Variants in DPP10 observed in about 807,000 individuals in gnomAD.
DPP10 encodes the protein dipeptidyl peptidase like 10, also known as inactive dipeptidyl peptidase 10.
DPP10 carries 33 observed loss-of-function variants against 120.9 expected under a neutral mutation model. The observed-to-expected ratio is 0.27, with a 90% CI of 0.21 to 0.37. The LOEUF (loss-of-function observed/expected upper bound fraction) is 0.37. Among genes scored for constraint, DPP10 ranks in the 10% least tolerant of loss-of-function variants. The pLI is 1.00. For synonymous variants in DPP10, 337 were observed against 326.1 expected (o/e 1.03, Z -0.36); for missense variants, 816 against 942.8 (o/e 0.87, Z 1.76).
At chr2:114,548,728 G>T (rs1687625964) in intron 1 of DPP10, among the ~76,000 whole-genome samples, 1 of 152,134 alleles carries the variant, frequency 6.6e-6, no homozygotes, top group Non-Finnish European at 1.5e-5. Flanking sequence ...GGGACCTGTG[G>T]GGCAGTAACC....
At chr2:115,663,784 C>T (rs539739225) in intron 5 of DPP10, among the ~76,000 whole-genome samples, 42 of 152,122 alleles carry the variant, frequency 2.8e-4, no homozygotes, top group Middle Eastern at 3.4e-3. Context: ...ATCACGAGGT[C>T]GGGAGGTCCA....
At chr2:115,352,924 G>A (rs2064130966) in intron 3 of DPP10, among the ~76,000 whole-genome samples, 1 of 151,748 alleles carries the variant, frequency 6.6e-6, no homozygotes, top group African/African-American at 2.4e-5. Context: ...TGCTGTGTAC[G>A]CCCTGCCTCT....
At chr2:114,515,689 G>A (rs542728035) in intron 1 of DPP10, among the ~76,000 whole-genome samples, 32 of 152,182 alleles carry the variant, frequency 2.1e-4, no homozygotes, top group African/African-American at 7.2e-4. Flanking sequence ...AATTTCTAGG[G>A]TATTAAAAAT....
chr2:115,272,687 C>G (rs1416964329), intron 1 of DPP10, among the ~76,000 whole-genome samples: 1 of 152,174 alleles, frequency 6.6e-6, no homozygotes, highest in Non-Finnish European at 1.5e-5. Flanking sequence ...ATTTATGCAC[C>G]ATTGTAGTTG....
intron 1 of DPP10, among the ~76,000 whole-genome samples, chr2:115,067,976 A>G (rs1707060250): frequency 1.3e-5 from 2 of 151,266 alleles, no homozygotes; most frequent in African/African-American, 2.4e-5. Flanking sequence ...TCATCTGTCT[A>G]TGAAAACAGT....
At chr2:115,718,642 T>C (rs1451165161) in intron 7 of DPP10, among the ~76,000 whole-genome samples, 1 of 152,222 alleles carries the variant, frequency 6.6e-6, no homozygotes, top group African/African-American at 2.4e-5. Context: ...TTATTTTTCC[T>C]TATTCTCCAT....
chr2:115,540,725 T>C (rs1053683329), intron 5 of DPP10, among the ~76,000 whole-genome samples: 3 of 151,850 alleles, frequency 2.0e-5, no homozygotes, highest in African/African-American at 7.2e-5. Flanking sequence ...GATAAAAAAA[T>C]TCTGTCCATA....
rs1367142303 is a variant in DPP10, at chr2:115,020,952, T to TA, written c.61-288280dup. 1.5e-4 allele frequency among the ~76,000 whole-genome samples: 23 copies of TA among 152,056 alleles called. 1 individual carries two copies. The East Asian group carries it at 3.3e-3, about 22-fold the overall frequency. ...CCACAATAAAATCCAGATGAAAATT[T>TA]AAAAAAATTTGAACTGAATGATAAT... On this transcript the variant is annotated intron_variant, in intron 1 of 25. Coordinates refer to ENST00000410059, the MANE Select transcript of DPP10 (RefSeq NM_020868.6).
At chr2:114,493,666 A>C (rs1035730973) in intron 1 of DPP10, among the ~76,000 whole-genome samples, 2 of 152,160 alleles carry the variant, frequency 1.3e-5, no homozygotes, top group Non-Finnish European at 2.9e-5. Flanking sequence ...AAAAAACTGA[A>C]CATGGGAAAT....
intron 5 of DPP10, among the ~76,000 whole-genome samples, chr2:115,676,333 A>C (rs1225493151): frequency 6.6e-6 from 1 of 152,184 alleles, no homozygotes. Context: ...CCAAAGCCAA[A>C]GTATTTTATC....
chr2:114,482,309 T>C (rs774653540), intron 1 of DPP10, among the ~76,000 whole-genome samples: 12 of 152,184 alleles, frequency 7.9e-5, no homozygotes, highest in Non-Finnish European at 1.5e-4. Context: ...AGAAGCCTTT[T>C]ATTATATGGA....
Position 114,532,290 on chromosome 2 carries a change from T to TAC in DPP10, c.60+89453_60+89454insCA, listed in dbSNP as rs1317517230. Among the ~76,000 whole-genome samples the TAC allele has an allele frequency of 3.8e-3, 213 of 56,622 alleles. 3 individuals carry two copies. The highest frequency in any genetic ancestry group is 7.0e-3 in the Middle Eastern group (1 of 142). The allele number at this position is 56,622 out of a possible 152,430, so 37.1% of individuals were successfully genotyped here. ...ATATATATATATATATATATATATATATATATACACACACACACACACACA... is the reference window on the plus strand; with the variant it reads ...ATATATATATATATATATATATATATACATATATACACACACACACACACACA... On this transcript the variant is annotated intron_variant, in intron 1 of 25. Coordinates refer to ENST00000410059, the MANE Select transcript of DPP10 (RefSeq NM_020868.6).
intron 1 of DPP10, among the ~76,000 whole-genome samples, chr2:115,297,574 G>A (rs2060941809): frequency 6.6e-6 from 1 of 152,010 alleles, no homozygotes; most frequent in African/African-American, 2.4e-5. Flanking sequence ...AATATAAGTG[G>A]ATGCGTGGTG....
chr2:114,806,935 C>T (rs1387881648), intron 1 of DPP10, among the ~76,000 whole-genome samples: 1 of 152,170 alleles, frequency 6.6e-6, no homozygotes, highest in African/African-American at 2.4e-5. Flanking sequence ...GTCTGCACAG[C>T]TAGTACAAGC....
chr2:115,264,117 G>A (rs928529486), intron 1 of DPP10, among the ~76,000 whole-genome samples: 1 of 152,198 alleles, frequency 6.6e-6, no homozygotes, highest in Non-Finnish European at 1.5e-5. Flanking sequence ...CTTTTCAAGA[G>A]TGTTAACAGG....
At chr2:114,447,284 C>T (rs372903664) in intron 1 of DPP10, among the ~76,000 whole-genome samples, 20 of 152,154 alleles carry the variant, frequency 1.3e-4, no homozygotes, top group South Asian at 2.1e-4. Context: ...CATGAGCCAC[C>T]GCGCCCGGCC....
At chr2:115,311,045 A>G (rs895203911) in intron 2 of DPP10, among the ~76,000 whole-genome samples, 13 of 152,264 alleles carry the variant, frequency 8.5e-5, no homozygotes, top group Middle Eastern at 3.4e-3. Flanking sequence ...CTTCTGCTCA[A>G]CCCTTTTCAA....
chr2:115,341,599 A>G (rs2063450295), intron 2 of DPP10, among the ~76,000 whole-genome samples: 1 of 152,154 alleles, frequency 6.6e-6, no homozygotes, highest in Non-Finnish European at 1.5e-5. Context: ...CTCTATGTTC[A>G]CCTGCTCATT....
chr2:115,611,808 C>G (rs774723412), intron 5 of DPP10, among the ~76,000 whole-genome samples: 7 of 152,136 alleles, frequency 4.6e-5, no homozygotes, highest in Non-Finnish European at 8.8e-5. Flanking sequence ...ACTTGATTTT[C>G]TGAAATATTT....
Sources: allele counts gnomAD v4.1 joint callset (sites outside exome capture counted in the v4.1 genomes callset), GRCh38; gene constraint gnomAD v4.1.1; transcripts MANE v1.5; gene names NCBI Gene and HGNC (gene_info 2026-07-23, HGNC 2026-07-21).